Variants in NRCAM observed in about 807,000 individuals in gnomAD.
NRCAM encodes the protein NgCAM-related cell adhesion molecule.
A neutral mutation model predicts 156.5 loss-of-function variants in NRCAM; 83 were observed. That is an observed-to-expected ratio of 0.53 (90% CI 0.44 to 0.64). NRCAM has a LOEUF of 0.64. Among genes scored for constraint, NRCAM ranks in the 30% least tolerant of loss-of-function variants. NRCAM has a pLI of 0.00. For synonymous variants in NRCAM, 538 were observed against 563.9 expected, an observed-to-expected ratio of 0.95 and a Z score of 0.65; for missense variants, 1,417 against 1,597.3, an observed-to-expected ratio of 0.89 and a Z score of 1.92.
chr7:108,270,619 G>A (rs1026578381), intron 3 of NRCAM, among the ~76,000 whole-genome samples: 2 of 152,066 alleles, frequency 1.3e-5, no homozygotes, highest in African/African-American at 4.8e-5. Context: ...CACAAGAACC[G>A]CAAGGTAGAA....
chr7:108,368,785 T>G (rs2099610196), intron 2 of NRCAM, among the ~76,000 whole-genome samples: 1 of 152,106 alleles, frequency 6.6e-6, no homozygotes, highest in South Asian at 2.1e-4. Flanking sequence ...TTCTGAAAGA[T>G]TCACTCTCCG....
At chr7:108,176,688 A>C in intron 26 of NRCAM, 82 bp from the exon 27 acceptor site, 1 of 1,091,134 alleles carries the variant, frequency 9.2e-7, no homozygotes, top group South Asian at 1.6e-5. Context: ...GTCAACTAAA[A>C]ATGTTCAACC....
At chr7:108,175,592 A>AAGGTG (rs2060185463) in intron 27 of NRCAM, among the ~76,000 whole-genome samples, 2 of 152,318 alleles carry the variant, frequency 1.3e-5, no homozygotes, top group South Asian at 4.1e-4. Flanking sequence ...GTATTCAAAC[A>AAGGTG]CATTACTTAA....
intron 1 of NRCAM, among the ~76,000 whole-genome samples, chr7:108,420,928 A>ATATCTCTT (rs1458354645): frequency 5.9e-5 from 9 of 152,222 alleles, no homozygotes; most frequent in Non-Finnish European, 1.2e-4. Context: ...TTCATGAGGA[A>ATATCTCTT]TATCTCTTTA....
At chr7:108,429,081 A>G (rs182099415) in intron 1 of NRCAM, among the ~76,000 whole-genome samples, 2 of 152,306 alleles carry the variant, frequency 1.3e-5, no homozygotes, top group African/African-American at 2.4e-5. Context: ...TATGTTCTAT[A>G]TATGTCCTTA....
intron 2 of NRCAM, among the ~76,000 whole-genome samples, chr7:108,348,227 T>C (rs1339860093): frequency 6.6e-6 from 1 of 152,132 alleles, no homozygotes; most frequent in Admixed American, 6.6e-5. Context: ...GAGATGTGCA[T>C]GCATGTGTGT....
At chr7:108,299,425 C>G (rs1170748837) in intron 3 of NRCAM, among the ~76,000 whole-genome samples, 1 of 152,074 alleles carries the variant, frequency 6.6e-6, no homozygotes, top group African/African-American at 2.4e-5. Context: ...TGTGAGCAAA[C>G]CACAATGACA....
At chr7:108,439,077 A>C (rs1300036287) in intron 1 of NRCAM, among the ~76,000 whole-genome samples, 1 of 152,140 alleles carries the variant, frequency 6.6e-6, no homozygotes. Flanking sequence ...TACCTACCAA[A>C]ATCTTAGCAC....
Position 108,209,407 on chromosome 7 carries a change from T to A in NRCAM, c.1075+14A>T. On this transcript the variant is annotated intron_variant, in intron 12 of 32. Transcript: ENST00000379028. The stretch of plus-strand genomic sequence containing the variant: ...TCTCATGAAGGCAAGAAGAATGGAT[T>A]TTAAACAATATACCTTTAACTCTAA... The A allele has an allele frequency of 6.5e-7, 1 of 1,539,662 alleles. No homozygotes were observed. Among genetic ancestry groups the A allele is most frequent in the Non-Finnish European group, 8.7e-7 (1 of 1,144,482 alleles).
At chr7:108,383,595 G>A (rs1172960145) in intron 2 of NRCAM, among the ~76,000 whole-genome samples, 3 of 152,160 alleles carry the variant, frequency 2.0e-5, no homozygotes, top group Admixed American at 6.5e-5. Flanking sequence ...GGCTCATGGC[G>A]AATAGATCTA....
intron 27 of NRCAM, 27 bp from the exon 28 acceptor site, chr7:108,175,384 A>G (rs201330051): frequency 6.4e-6 from 10 of 1,552,432 alleles, no homozygotes; most frequent in Non-Finnish European, 8.7e-6. Flanking sequence ...CAGAAATAGG[A>G]CACTATATAG....
intron 3 of NRCAM, among the ~76,000 whole-genome samples, chr7:108,304,219 A>T (rs888315337): frequency 6.6e-6 from 1 of 152,108 alleles, no homozygotes; most frequent in African/African-American, 2.4e-5. Context: ...TACTCTTTTT[A>T]ATTTTTCTAA....
At chr7:108,426,341 A>T (rs986965615) in intron 1 of NRCAM, among the ~76,000 whole-genome samples, 5 of 152,260 alleles carry the variant, frequency 3.3e-5, no homozygotes, top group Non-Finnish European at 7.3e-5. Context: ...TCTAGGCACA[A>T]GGCTTAAACA....
chr7:108,180,327 G>A lies in NRCAM; in HGVS notation c.2747C>T (p.Pro916Leu), dbSNP rs377707274. The A allele has an allele frequency of 4.3e-5, 70 of 1,614,054 alleles. No individual in the cohort carries two copies. The African/African-American group carries it at 7.3e-4, about 17-fold the overall frequency. ...GTAGTGGCTAAAGGGCTCTAGCCCC[G>A]GCAACATGCCATGAGTCTTGCTGCC... ...FQGSKTHGMLPGLEPFSHYTL... is the reference protein window; with the variant it reads ...FQGSKTHGMLLGLEPFSHYTL... The change falls in exon 25 of 33, where the codon CCG becomes CTG. Residue 916 changes from proline (P) to leucine (L), a missense_variant. This residue lies in a region of NRCAM where 1,238 missense variants were observed against 1,336.4 expected (regional missense o/e 0.93). Coordinates refer to ENST00000379028, the MANE Select transcript of NRCAM (RefSeq NM_001037132.4).
intron 1 of NRCAM, among the ~76,000 whole-genome samples, chr7:108,414,449 C>T (rs1360210425): frequency 6.7e-6 from 1 of 148,966 alleles, no homozygotes; most frequent in Non-Finnish European, 1.5e-5. Context: ...CAGGCTAAGA[C>T]AATTATCTAC....
intron 11 of NRCAM, among the ~76,000 whole-genome samples, chr7:108,217,046 G>A (rs766168332): frequency 0.16 from 23,779 of 152,032 alleles, 2,500 homozygotes; most frequent in Non-Finnish European, 0.24. Flanking sequence ...CCTCATCTTT[G>A]TGGATTTATC....
chr7:108,166,332 C>T (rs2054200704), intron 30 of NRCAM, among the ~76,000 whole-genome samples: 1 of 150,670 alleles, frequency 6.6e-6, no homozygotes, highest in Admixed American at 6.6e-5. Context: ...ACCGCAACCT[C>T]TGCCTCCCGG....
intron 2 of NRCAM, among the ~76,000 whole-genome samples, chr7:108,350,723 CCTTAA>C (rs2099406067): frequency 6.6e-6 from 1 of 152,210 alleles, no homozygotes; most frequent in African/African-American, 2.4e-5. Flanking sequence ...GGATAATCCA[CCTTAA>C]CTTATTGTTT....
intron 1 of NRCAM, among the ~76,000 whole-genome samples, chr7:108,446,134 T>C (rs1463511129): frequency 6.6e-6 from 1 of 152,154 alleles, no homozygotes; most frequent in East Asian, 1.9e-4. Context: ...TCATCTGCCA[T>C]TAGCAAAGGT....
Sources: gnomAD v4.1 joint callset for allele counts (sites outside exome capture counted in the v4.1 genomes callset) on GRCh38, gnomAD v4.1.1 for gene constraint, gnomAD v4.1.1 regional missense constraint, MANE v1.5 for transcripts, NCBI Gene and HGNC (gene_info 2026-07-23, HGNC 2026-07-21) for gene names.